Variants in WSCD1 observed in about 807,000 individuals in gnomAD.
The protein encoded by WSCD1 is WSC domain sialate O sulfotransferase 1, also known as sialate:O-sulfotransferase 1.
A neutral mutation model predicts 60.4 loss-of-function variants in WSCD1; 41 were observed. The observed-to-expected ratio is 0.68, with a 90% confidence interval of 0.53 to 0.88. The LOEUF is 0.88. Among genes scored for constraint, WSCD1 ranks in the 40% least tolerant of loss-of-function variants. WSCD1 has a pLI of 0.00. For synonymous variants in WSCD1, 361 were observed against 332.5 expected, an observed-to-expected ratio of 1.09 and a Z score of -0.93; for missense variants, 784 against 796.2, an observed-to-expected ratio of 0.98 and a Z score of 0.18.
upstream of WSCD1, among the ~76,000 whole-genome samples, chr17:6,070,008 T>TGAGTC (rs1465294810): frequency 2.0e-5 from 3 of 151,740 alleles, no homozygotes; most frequent in East Asian, 5.8e-4. Context: ...GCTGTCGCTG[T>TGAGTC]GAGTCTGCAT....
At chr17:6,094,722 AAGGG>A (rs1262083084) in intron 4 of WSCD1, among the ~76,000 whole-genome samples, 2 of 139,540 alleles carry the variant, frequency 1.4e-5, no homozygotes, top group Admixed American at 1.4e-4. Flanking sequence ...GGAAGGAAGA[AAGGG>A]AGGGAGGGAA....
intron 4 of WSCD1, among the ~76,000 whole-genome samples, chr17:6,091,978 A>G (rs1910079918): frequency 6.6e-6 from 1 of 151,976 alleles, no homozygotes; most frequent in South Asian, 2.1e-4. Flanking sequence ...AACATGGTGA[A>G]AACCCGTCTC....
chr17:6,119,878 A>G (rs746967849), intron 8 of WSCD1, among the ~76,000 whole-genome samples: 2 of 151,978 alleles, frequency 1.3e-5, no homozygotes, highest in Non-Finnish European at 2.9e-5. Flanking sequence ...CCCAAAATTA[A>G]TTTCTTAATT....
At chr17:6,100,771 C>T (rs1358938254) in intron 5 of WSCD1, among the ~76,000 whole-genome samples, 2 of 152,182 alleles carry the variant, frequency 1.3e-5, no homozygotes, top group Admixed American at 6.5e-5. Flanking sequence ...CACACATTGC[C>T]GTATGTCCTC....
intron 4 of WSCD1, among the ~76,000 whole-genome samples, chr17:6,092,007 T>A (rs570849243): frequency 1.4e-4 from 21 of 151,950 alleles, no homozygotes; most frequent in Admixed American, 9.2e-4. Flanking sequence ...ATACAAAATT[T>A]GCCGGATGTG....
chr17:6,083,520 C>T (rs1332790936), intron 2 of WSCD1, among the ~76,000 whole-genome samples: 1 of 152,240 alleles, frequency 6.6e-6, no homozygotes, highest in Non-Finnish European at 1.5e-5. Context: ...GCTAGGATTA[C>T]AGGCGTGAGC....
intron 5 of WSCD1, among the ~76,000 whole-genome samples, chr17:6,095,550 C>T (rs560740074): frequency 1.3e-5 from 2 of 152,208 alleles, no homozygotes; most frequent in Admixed American, 6.5e-5. Flanking sequence ...GATGCTGGCT[C>T]GGGACTTGGG....
chr17:6,102,081 T>G (rs781424384), intron 5 of WSCD1, among the ~76,000 whole-genome samples: 24 of 152,368 alleles, frequency 1.6e-4, no homozygotes, highest in Non-Finnish European at 3.2e-4. Context: ...TTTTCCCCTC[T>G]TTTAGCCTCT....
intron 2 of WSCD1, among the ~76,000 whole-genome samples, chr17:6,081,670 C>G (rs1909284161): frequency 6.6e-6 from 1 of 151,118 alleles, no homozygotes; most frequent in South Asian, 2.1e-4. Flanking sequence ...GAGATCGGGC[C>G]ACTGCACTCC....
At chr17:6,085,467 G>A (rs972607579) in intron 2 of WSCD1, among the ~76,000 whole-genome samples, 19 of 152,134 alleles carry the variant, frequency 1.2e-4, no homozygotes, top group African/African-American at 4.1e-4. Context: ...AATTGGAACC[G>A]TATCCCCATT....
intron 5 of WSCD1, among the ~76,000 whole-genome samples, chr17:6,108,885 G>A (rs527773467): frequency 2.0e-5 from 3 of 152,162 alleles, no homozygotes; most frequent in African/African-American, 7.2e-5. Flanking sequence ...CCCTGACAGG[G>A]CCCCCCTCCA....
chr17:6,095,811 G>A (rs902315856), intron 5 of WSCD1, among the ~76,000 whole-genome samples: 1 of 152,320 alleles, frequency 6.6e-6, no homozygotes, highest in East Asian at 1.9e-4. Context: ...AAGCAAGGCT[G>A]GGGGAGACCC....
At chr17:6,113,729 A>G (rs1477294415) in intron 7 of WSCD1, among the ~76,000 whole-genome samples, 1 of 152,250 alleles carries the variant, frequency 6.6e-6, no homozygotes, top group Non-Finnish European at 1.5e-5. Flanking sequence ...GTCAACAAGT[A>G]TATGAAAACA....
chr17:6,069,440 A>G (rs868044878), upstream of WSCD1: 1 of 371,822 alleles, frequency 2.7e-6, no homozygotes, highest in Non-Finnish European at 4.7e-6. Context: ...AGAGAGAGAG[A>G]GAGAGAGAGA....
chr17:6,105,310 C>T (rs918863758), intron 5 of WSCD1, among the ~76,000 whole-genome samples: 3 of 152,206 alleles, frequency 2.0e-5, no homozygotes, highest in Non-Finnish European at 4.4e-5. Flanking sequence ...TCTTTAACCC[C>T]TCACCTGTCT....
chr17:6,109,928 A>G (rs1227328140), intron 6 of WSCD1, among the ~76,000 whole-genome samples, 162 bp downstream of exon 6: 4 of 152,082 alleles, frequency 2.6e-5, no homozygotes, highest in Non-Finnish European at 5.9e-5. Context: ...GATAATGGGG[A>G]GGGTCAGTTT....
At position 6,090,341 on chromosome 17, in the gene WSCD1, TG is replaced by T. The variant is rs1909945960; in HGVS notation, c.565del (p.Glu189ArgfsTer15). ...TGCAGGTCCTATGTCTACGCCGGCT[TG>T]GAGGCCGGGGCGGAGTGTTACTGCG... ...CAERSYVYAGLEAGAECYCGN... is the reference protein window; with the variant it reads ...CAERSYVYAGXEAGAECYCGN... On this transcript the variant is annotated frameshift_variant, in exon 4 of 9. Transcript: ENST00000317744. LOFTEE classifies it high-confidence loss of function. 1 of 1,603,946 alleles carries T rather than the reference TG, an allele frequency of 6.2e-7. No individual in the cohort carries two copies. The highest frequency in any genetic ancestry group is 8.5e-7 in the Non-Finnish European group (1 of 1,175,836).
At chr17:6,083,994 A>G (rs940360505) in intron 2 of WSCD1, among the ~76,000 whole-genome samples, 7 of 152,126 alleles carry the variant, frequency 4.6e-5, no homozygotes, top group Non-Finnish European at 7.4e-5. Context: ...CCAAATTTAT[A>G]TACCACTATG....
rs371850027 is a variant in WSCD1 at position 6,118,205 on chromosome 17, C to A, written c.1375+17C>A. ...AGAGCAAAGGTAATCAAGGACCTTG[C>A]GGTGGGGGTGGGAGGCTTGTCAGTA... On this transcript the variant is annotated intron_variant, in intron 8 of 8. Coordinates refer to ENST00000317744, the MANE Select transcript of WSCD1 (RefSeq NM_015253.2). This position sits in a 1 kb window ranked among gnomAD's most constrained non-coding sequence, Gnocchi z 5.8. The A allele has an allele frequency of 6.2e-7, 1 of 1,611,814 alleles. No homozygotes were observed. The highest frequency in any genetic ancestry group is 8.5e-7 in the Non-Finnish European group (1 of 1,178,920).
Sources: allele counts gnomAD v4.1 joint callset (sites outside exome capture counted in the v4.1 genomes callset), GRCh38; gene constraint gnomAD v4.1.1; non-coding constraint Gnocchi (gnomAD v3.1); transcripts MANE v1.5; gene names NCBI Gene and HGNC (gene_info 2026-07-23, HGNC 2026-07-21).